The following ERC2 variants were observed in gnomAD, a reference collection of about 807,000 sequenced individuals.
The protein encoded by ERC2 is ERC protein 2.
A neutral mutation model predicts 114.8 loss-of-function variants in ERC2; 42 were observed. The observed-to-expected ratio is 0.37, with a 90% confidence interval of 0.29 to 0.47. The LOEUF is 0.47. Among genes scored for constraint, ERC2 ranks in the 20% least tolerant of loss-of-function variants. The pLI is 0.99. For missense variants in ERC2, 939 were observed against 1,150.7 expected, an observed-to-expected ratio of 0.82 and a Z score of 2.66; for synonymous variants, 454 against 425.5, an observed-to-expected ratio of 1.07 and a Z score of -0.82.
At chr3:56,150,132 T>A (rs2081343740) in intron 4 of ERC2, among the ~76,000 whole-genome samples, 1 of 152,228 alleles carries the variant, frequency 6.6e-6, no homozygotes, top group Non-Finnish European at 1.5e-5. Context: ...ATTAAATGTA[T>A]AACTGAATGC....
intron 17 of ERC2, among the ~76,000 whole-genome samples, chr3:55,637,075 AT>A (rs1434631121): frequency 6.6e-6 from 1 of 152,086 alleles, no homozygotes; most frequent in Non-Finnish European, 1.5e-5. Flanking sequence ...GGACTGGCCC[AT>A]CCAGTATAAC....
chr3:56,417,617 A>G lies in ERC2; in HGVS notation c.657+16734T>C, dbSNP rs114291783. On this transcript the variant is annotated intron_variant, in intron 2 of 17. Transcript: ENST00000288221. ...ATAGGATAACTTAAACTATTACCAC[A>G]TCTATTTTACAGGTAAGGAAACAAG... Among the ~76,000 whole-genome samples the G allele has an allele frequency of 5.8e-3, 880 of 152,326 alleles. 12 individuals carry two copies. Among genetic ancestry groups the G allele is most frequent in the African/African-American group, 0.02 (845 of 41,566 alleles).
intron 2 of ERC2, among the ~76,000 whole-genome samples, chr3:56,407,718 T>C (rs899810938): frequency 2.6e-5 from 4 of 152,174 alleles, no homozygotes; most frequent in Middle Eastern, 3.2e-3. Context: ...GGGGAGCTTG[T>C]AAAAATCCTG....
intron 14 of ERC2, among the ~76,000 whole-genome samples, chr3:55,776,629 T>C (rs534099550): frequency 1.3e-5 from 2 of 152,170 alleles, no homozygotes; most frequent in Non-Finnish European, 2.9e-5. Context: ...AGGGTCAAGC[T>C]GTGGGACAGC....
chr3:56,058,563 T>G (rs1360870981), intron 7 of ERC2, among the ~76,000 whole-genome samples: 4 of 152,244 alleles, frequency 2.6e-5, no homozygotes, highest in Non-Finnish European at 5.9e-5. Context: ...AGAGTGTTTT[T>G]GGATGACACA....
chr3:56,015,752 T>C (rs1261853311), intron 8 of ERC2, among the ~76,000 whole-genome samples: 1 of 152,208 alleles, frequency 6.6e-6, no homozygotes, highest in Non-Finnish European at 1.5e-5. Flanking sequence ...CAAATGGTAT[T>C]TGTTGTTCTA....
chr3:55,759,462 TAAAAAAAAAAAAAAAAAAAA>T (rs540204065), intron 14 of ERC2, among the ~76,000 whole-genome samples: 2 of 36,062 alleles, frequency 5.5e-5, no homozygotes, highest in African/African-American at 1.0e-4. Context: ...TCTCTTTCAT[TAAAAAAAAAAAAAAAAAAAA>T]AAAAAAAAAA....
intron 7 of ERC2, among the ~76,000 whole-genome samples, chr3:56,075,777 C>T (rs1178427044): frequency 1.3e-5 from 2 of 152,008 alleles, no homozygotes; most frequent in African/African-American, 4.8e-5. Context: ...AGGAGGTTTG[C>T]CAATAATAAG....
chr3:56,077,421 T>G (rs371162943), intron 7 of ERC2, among the ~76,000 whole-genome samples: 1 of 152,256 alleles, frequency 6.6e-6, no homozygotes, highest in African/African-American at 2.4e-5. Flanking sequence ...ATCATAATCA[T>G]GTTGCCGAAA....
chr3:56,155,294 T>A (rs1182963481), intron 4 of ERC2, among the ~76,000 whole-genome samples: 1 of 151,616 alleles, frequency 6.6e-6, no homozygotes, highest in African/African-American at 2.4e-5. Flanking sequence ...CCAATCAGAG[T>A]TCTTTTAGGG....
chr3:55,915,751 G>T (rs73075389), intron 13 of ERC2, among the ~76,000 whole-genome samples: 19,563 of 152,104 alleles, frequency 0.13, 1,472 homozygotes, highest in East Asian at 0.31. Flanking sequence ...TAAGATCATC[G>T]AGGGGAGCTG....
chr3:55,605,935 G>A (rs114458516), intron 17 of ERC2, among the ~76,000 whole-genome samples: 5,884 of 152,222 alleles, frequency 0.039, 173 homozygotes, highest in Non-Finnish European at 0.059. Context: ...AAGCAAAAAT[G>A]CAACTCAAGA....
intron 14 of ERC2, among the ~76,000 whole-genome samples, chr3:55,808,897 T>C (rs1283149038): frequency 6.6e-6 from 1 of 151,152 alleles, no homozygotes; most frequent in Non-Finnish European, 1.5e-5. Context: ...TCACAAACTC[T>C]TATAAAACTT....
chr3:55,741,912 T>C (rs1411154695), intron 14 of ERC2, among the ~76,000 whole-genome samples: 2 of 152,062 alleles, frequency 1.3e-5, no homozygotes, highest in Non-Finnish European at 2.9e-5. Flanking sequence ...CTTTAACAAA[T>C]ATGGGCAACA....
chr3:55,689,809 A>G (rs2062543946), intron 16 of ERC2, among the ~76,000 whole-genome samples: 2 of 151,634 alleles, frequency 1.3e-5, no homozygotes, highest in Non-Finnish European at 2.9e-5. Flanking sequence ...AAAAAAAAAA[A>G]GAAAAAAAAA....
intron 14 of ERC2, among the ~76,000 whole-genome samples, chr3:55,824,464 G>A (rs2060253151): frequency 6.6e-6 from 1 of 152,148 alleles, no homozygotes; most frequent in Non-Finnish European, 1.5e-5. Context: ...ACTCCTGTAT[G>A]TTTTAGCATT....
chr3:55,658,053 A>C (rs774992040), intron 17 of ERC2: 10 of 152,156 alleles, frequency 6.6e-5, no homozygotes, highest in South Asian at 2.1e-4. Context: ...ATTTCTATTC[A>C]TCTGGCCTCA....
chr3:56,255,846 C>T (rs1038605651), intron 3 of ERC2, among the ~76,000 whole-genome samples: 1 of 152,196 alleles, frequency 6.6e-6, no homozygotes, highest in African/African-American at 2.4e-5. Context: ...GGTCTGCGGA[C>T]CAGCAGCATG....
At chr3:56,229,532 A>C (rs2050468930) in intron 3 of ERC2, among the ~76,000 whole-genome samples, 1 of 152,222 alleles carries the variant, frequency 6.6e-6, no homozygotes, top group Non-Finnish European at 1.5e-5. Context: ...TATGATACTT[A>C]AGTACAAAGT....
Sources: gnomAD v4.1 joint callset for allele counts (sites outside exome capture counted in the v4.1 genomes callset) on GRCh38, gnomAD v4.1.1 for gene constraint, MANE v1.5 for transcripts, NCBI Gene and HGNC (gene_info 2026-07-23, HGNC 2026-07-21) for gene names.